The following RNF8 variants were observed in gnomAD, a reference collection of about 807,000 sequenced individuals.
RNF8 encodes the protein E3 ubiquitin-protein ligase RNF8.
Under a neutral mutation model 59.3 loss-of-function variants are expected in RNF8, and 8 were observed. That is an observed-to-expected ratio of 0.13 (90% CI 0.08 to 0.24). The LOEUF (loss-of-function observed/expected upper bound fraction) is 0.24. Among genes scored for constraint, RNF8 ranks in the 10% least tolerant of loss-of-function variants. The pLI, the probability that RNF8 is intolerant of heterozygous loss-of-function variation, is 1.00. For missense variants in RNF8, 406 were observed against 572.6 expected (o/e 0.71, Z 2.97); for synonymous variants, 162 against 200.0 (o/e 0.81, Z 1.60).
At chr6:37,364,860 C>T (rs758560939) in intron 2 of RNF8, among the ~76,000 whole-genome samples, 4 of 152,144 alleles carry the variant, frequency 2.6e-5, no homozygotes, top group Non-Finnish European at 5.9e-5. Flanking sequence ...ACCTCTGCCT[C>T]CCGGGTTCAA....
chr6:37,390,666 G>A (rs1029093118), intron 7 of RNF8, 76 bp from the exon 8 acceptor site: 4 of 1,076,436 alleles, frequency 3.7e-6, no homozygotes, highest in Non-Finnish European at 5.6e-6. Context: ...ACAGGGTGGC[G>A]AGGCTGGAAG....
At chr6:37,372,149 G>A (rs1205478095) in intron 4 of RNF8, among the ~76,000 whole-genome samples, 1 of 152,014 alleles carries the variant, frequency 6.6e-6, no homozygotes, top group Non-Finnish European at 1.5e-5. Context: ...TTATTTTTTT[G>A]TGTGCTCTTT....
chr6:37,380,158 C>A (rs1032164255), intron 6 of RNF8, among the ~76,000 whole-genome samples: 1 of 152,046 alleles, frequency 6.6e-6, no homozygotes, highest in Non-Finnish European at 1.5e-5. Context: ...CTCAAGCAGT[C>A]CACCTTCTTC....
At chr6:37,364,467 G>A (rs1033953693) in intron 2 of RNF8, among the ~76,000 whole-genome samples, 1 of 152,072 alleles carries the variant, frequency 6.6e-6, no homozygotes, top group Non-Finnish European at 1.5e-5. Flanking sequence ...ATTTGTGCAC[G>A]TTTATGTTTG....
chr6:37,384,129 C>CTTTTTTT (rs1309565469), intron 7 of RNF8, among the ~76,000 whole-genome samples: 3 of 139,594 alleles, frequency 2.1e-5, no homozygotes, highest in African/African-American at 8.9e-5. Flanking sequence ...TCCCTTGCTA[C>CTTTTTTT]TATTTTTTTT....
Position 37,354,080 on chromosome 6 carries a change from TG to T in RNF8, c.-83del. On this transcript the variant is annotated 5_prime_UTR_variant, in exon 1 of 8. An upstream open reading frame in the 5' UTR gains an earlier in-frame stop. Transcript: ENST00000373479. ...ATTGCTTCTGTCTGTTATTTAGATA[TG>T]GAAGCTGAGGGGATGCACAGAGGCA... is the stretch of plus-strand genomic sequence containing the variant. The T allele has an allele frequency of 9.1e-7, 1 of 1,093,954 alleles. No individual in the cohort carries two copies. The allele number at this position is 1,093,954 out of a possible 1,614,324, so 67.8% of individuals were successfully genotyped here. A position where few individuals can be genotyped will look rare whatever the true frequency, so the allele number is the denominator to read the frequency against.
rs1209803467 is a variant in RNF8, at chr6:37,359,043, C to T, written c.112-1403C>T. 6 of 344,250 alleles carry T rather than the reference C, an allele frequency of 1.7e-5. No individual in the cohort carries two copies. In the East Asian group the frequency reaches 4.8e-4, roughly 28 times the overall value. The allele number at this position is 344,250 out of a possible 1,614,324, so 21.3% of individuals were successfully genotyped here. A position where few individuals can be genotyped will look rare whatever the true frequency, so the allele number is the denominator to read the frequency against. ...CCCGGGAGGCAGAGGTTGCAGTGAG[C>T]TAAGATCGTGCCACTGCACTCCAGC... On this transcript the variant is annotated intron_variant, in intron 1 of 7. Coordinates refer to ENST00000373479, the MANE Select transcript of RNF8 (RefSeq NM_003958.4).
At chr6:37,390,082 C>T (rs1352244331) in intron 7 of RNF8, among the ~76,000 whole-genome samples, 1 of 152,252 alleles carries the variant, frequency 6.6e-6, no homozygotes, top group Non-Finnish European at 1.5e-5. Flanking sequence ...TGTCCCCTCC[C>T]TCTCTGAACA....
chr6:37,381,835 C>T (rs1489642199), intron 7 of RNF8, among the ~76,000 whole-genome samples: 1 of 152,214 alleles, frequency 6.6e-6, no homozygotes, highest in Non-Finnish European at 1.5e-5. Context: ...AGAATGGAGG[C>T]AGCAGGCTTG....
rs1770721044 is a variant in RNF8 at position 37,391,308 on chromosome 6, A to G, written c.*550A>G. The stretch of plus-strand genomic sequence containing the variant: ...CCAGACAGTCTCACAAGTAAACACC[A>G]GCAGCTCATAGATTACAACCAAGAA... On this transcript the variant is annotated 3_prime_UTR_variant, in exon 8 of 8. Coordinates refer to ENST00000373479, the MANE Select transcript of RNF8 (RefSeq NM_003958.4). 1 of 158,292 alleles carries G rather than the reference A, an allele frequency of 6.3e-6. No homozygotes were observed. Among genetic ancestry groups the G allele is most frequent in the Middle Eastern group, 3.1e-3 (1 of 326 alleles). The allele number at this position is 158,292 out of a possible 1,614,324, so 9.8% of individuals were successfully genotyped here. A position where few individuals can be genotyped will look rare whatever the true frequency, so the allele number is the denominator to read the frequency against.
intron 1 of RNF8, among the ~76,000 whole-genome samples, chr6:37,357,462 C>T (rs1769164973): frequency 6.6e-6 from 1 of 152,220 alleles, no homozygotes; most frequent in Admixed American, 6.5e-5. Flanking sequence ...CAATGGCAGT[C>T]TGGCTGTCTC....
At chr6:37,381,838 C>T (rs1016766303) in intron 7 of RNF8, among the ~76,000 whole-genome samples, 14 of 152,336 alleles carry the variant, frequency 9.2e-5, no homozygotes, top group African/African-American at 3.4e-4. Flanking sequence ...ATGGAGGCAG[C>T]AGGCTTGTCA....
At chr6:37,367,387 T>C (rs73423699) in intron 2 of RNF8, among the ~76,000 whole-genome samples, 1,659 of 152,324 alleles carry the variant, frequency 0.011, 41 homozygotes, top group African/African-American at 0.037. Context: ...ATTAAAACCA[T>C]AAAAGTAAAT....
chr6:37,389,710 G>A (rs1770650176), intron 7 of RNF8, among the ~76,000 whole-genome samples: 1 of 151,940 alleles, frequency 6.6e-6, no homozygotes, highest in Admixed American at 6.6e-5. Flanking sequence ...TGGGGGGGTG[G>A]GGCAAGGAAG....
At chr6:37,363,453 C>G (rs1769408053) in intron 2 of RNF8, among the ~76,000 whole-genome samples, 1 of 152,150 alleles carries the variant, frequency 6.6e-6, no homozygotes, top group East Asian at 1.9e-4. Flanking sequence ...GACAGATATG[C>G]CCTATTTAAA....
At chr6:37,367,141 C>T (rs1236366973) in intron 2 of RNF8, among the ~76,000 whole-genome samples, 5 of 152,206 alleles carry the variant, frequency 3.3e-5, no homozygotes, top group Admixed American at 2.0e-4. Context: ...TGAACACTTA[C>T]GTAATACGAT....
rs1046438863 is a variant in RNF8, at chr6:37,354,025, T to A, written c.-140T>A. On this transcript the variant is annotated 5_prime_UTR_variant, in exon 1 of 8. Coordinates refer to ENST00000373479, the MANE Select transcript of RNF8 (RefSeq NM_003958.4). Reference sequence around the variant, plus strand: ...TGGCCGAGGGCGGGCGAGCGGAGCCTGCTTTCGCAGCGATCGCGAGCGTGT... The same window carrying A: ...TGGCCGAGGGCGGGCGAGCGGAGCCAGCTTTCGCAGCGATCGCGAGCGTGT... 6 of 769,712 alleles carry A rather than the reference T, an allele frequency of 7.8e-6. No individual in the cohort carries two copies. In the African/African-American group the frequency reaches 1.1e-4, roughly 14 times the overall value. 47.7% of individuals were successfully genotyped at this position (769,712 alleles called of 1,614,324 possible).
chr6:37,366,279 G>A (rs1769548463), intron 2 of RNF8, among the ~76,000 whole-genome samples: 2 of 152,090 alleles, frequency 1.3e-5, no homozygotes, highest in Non-Finnish European at 2.9e-5. Context: ...TTGGCATTAG[G>A]TGGCCTTCTG....
chr6:37,385,495 T>C, intron 7 of RNF8, among the ~76,000 whole-genome samples: 1 of 151,584 alleles, frequency 6.6e-6, no homozygotes, highest in East Asian at 2.0e-4. Context: ...GGCGTGGTGG[T>C]GCACACCTGT....
Sources: allele counts gnomAD v4.1 joint callset (sites outside exome capture counted in the v4.1 genomes callset), GRCh38; gene constraint gnomAD v4.1.1; transcripts MANE v1.5; gene names NCBI Gene and HGNC (gene_info 2026-07-23, HGNC 2026-07-21).